ATP10B: variants seen among roughly 807,000 people sequenced by gnomAD.
ATP10B encodes phospholipid-transporting ATPase VB.
In ATP10B, 122 loss-of-function variants were observed where a neutral mutation model predicts 141.2. That is an observed-to-expected ratio of 0.86 (90% CI 0.75 to 1.00). ATP10B has a LOEUF of 1.00. Ranked by LOEUF, ATP10B falls within the 50% of genes least tolerant of loss-of-function variation. The probability of loss-of-function intolerance (pLI) is 0.00; values close to 1 mark genes in which losing one functional copy is unlikely to be tolerated. For synonymous variants in ATP10B, 685 were observed against 692.0 expected, an observed-to-expected ratio of 0.99 and a Z score of 0.16; for missense variants, 1,876 against 1,825.3, an observed-to-expected ratio of 1.03 and a Z score of -0.51.
chr5:160,567,627 A>C (rs1283237804), intron 25 of ATP10B, among the ~76,000 whole-genome samples: 1 of 152,168 alleles, frequency 6.6e-6, no homozygotes, highest in Non-Finnish European at 1.5e-5. Flanking sequence ...CATAGGAGGT[A>C]GCCATGCCAA....
intron 10 of ATP10B, among the ~76,000 whole-genome samples, chr5:160,637,475 A>G (rs1007176963): frequency 6.6e-6 from 1 of 152,192 alleles, no homozygotes; most frequent in African/African-American, 2.4e-5. Context: ...AAAAGGACAA[A>G]TCACATACAG....
chr5:160,778,759 G>A (rs533790180), intron 2 of ATP10B, among the ~76,000 whole-genome samples: 22 of 152,278 alleles, frequency 1.4e-4, no homozygotes, highest in African/African-American at 4.1e-4. Flanking sequence ...ATAGGGGTAC[G>A]TTGTCAAAAT....
At chr5:160,716,779 A>G (rs576941404) in intron 3 of ATP10B, 130 bp downstream of exon 3, 2 of 624,554 alleles carry the variant, frequency 3.2e-6, no homozygotes, top group Non-Finnish European at 4.0e-6. Flanking sequence ...TTTCTGTTCC[A>G]TCATCCTTAG....
At chr5:160,707,276 C>A (rs1220476953) in intron 3 of ATP10B, among the ~76,000 whole-genome samples, 1 of 152,180 alleles carries the variant, frequency 6.6e-6, no homozygotes, top group Non-Finnish European at 1.5e-5. Flanking sequence ...TGAAACAATA[C>A]TGAGCAACTT....
the ATP10B span, among the ~76,000 whole-genome samples, chr5:160,914,625 C>A: frequency 6.6e-6 from 1 of 152,066 alleles, no homozygotes; most frequent in South Asian, 2.1e-4. Context: ...TAAATTCAAG[C>A]TTGGTTAATT....
At chr5:160,909,676 T>C in the ATP10B span, among the ~76,000 whole-genome samples, 1 of 152,248 alleles carries the variant, frequency 6.6e-6, no homozygotes, top group Non-Finnish European at 1.5e-5. Context: ...CAGTAACTAA[T>C]GTTTACTTGA....
At chr5:160,924,810 G>C in the ATP10B span, among the ~76,000 whole-genome samples, 1 of 152,174 alleles carries the variant, frequency 6.6e-6, no homozygotes, top group East Asian at 1.9e-4. Context: ...TGTTATCACA[G>C]AGCTGAAAGA....
the ATP10B span, among the ~76,000 whole-genome samples, chr5:160,883,373 T>G: frequency 6.6e-6 from 1 of 152,176 alleles, no homozygotes; most frequent in Non-Finnish European, 1.5e-5. Context: ...ACTACAGGGC[T>G]GAGACTAAAT....
chr5:160,782,565 G>A (rs1770795308), intron 2 of ATP10B, among the ~76,000 whole-genome samples: 1 of 151,074 alleles, frequency 6.6e-6, no homozygotes. Context: ...GTCCTCTATG[G>A]TTCTTCCCTC....
At chr5:160,905,713 T>G in the ATP10B span, among the ~76,000 whole-genome samples, 2 of 135,216 alleles carry the variant, frequency 1.5e-5, no homozygotes, top group East Asian at 4.4e-4. Context: ...TAGCTAGGAT[T>G]GCTATTATAA....
At chr5:160,601,891 G>A (rs572279697) in intron 21 of ATP10B, among the ~76,000 whole-genome samples, 37 of 152,322 alleles carry the variant, frequency 2.4e-4, no homozygotes, top group Admixed American at 2.1e-3. Flanking sequence ...GGGCACTGAA[G>A]TGATATGCAA....
At chr5:160,896,239 C>CA in the ATP10B span, among the ~76,000 whole-genome samples, 2,114 of 146,882 alleles carry the variant, frequency 0.014, 38 homozygotes, top group African/African-American at 0.045. Flanking sequence ...AAAAACCCTT[C>CA]AAAAAAAAAA....
chr5:160,709,171 A>G (rs1288678599), intron 3 of ATP10B, among the ~76,000 whole-genome samples: 1 of 152,240 alleles, frequency 6.6e-6, no homozygotes, highest in Admixed American at 6.5e-5. Context: ...GGATTAAAAC[A>G]AAATACAAGA....
In ATP10B at chr5:160,564,257, A is replaced by G. The variant is rs1385601225; in HGVS notation, c.*1196T>C. ...GGGTTAGGCTATACTTGCCCACAGC[A>G]GACCTGGCTTCTTTGGACAGCCTAT... On this transcript the variant is annotated 3_prime_UTR_variant, in exon 26 of 26. Coordinates refer to ENST00000327245, the MANE Select transcript of ATP10B (RefSeq NM_025153.3). The G allele has an allele frequency of 6.6e-6, 1 of 152,252 alleles. No individual in the cohort carries two copies. The highest frequency in any genetic ancestry group is 2.4e-5 in the African/African-American group (1 of 41,468). 9.4% of individuals were successfully genotyped at this position (152,252 alleles called of 1,614,324 possible).
chr5:160,919,076 T>C, the ATP10B span, among the ~76,000 whole-genome samples: 6 of 148,922 alleles, frequency 4.0e-5, no homozygotes, highest in Admixed American at 4.0e-4. Context: ...ATACAAAAAT[T>C]AGCCGGGCAT....
chr5:160,565,388 T>A lies in ATP10B; in HGVS notation c.*65A>T. 6.7e-7 allele frequency: 1 copy of A among 1,498,108 alleles called. No individual in the cohort carries two copies. 92.8% of individuals were successfully genotyped at this position (1,498,108 alleles called of 1,614,324 possible). On this transcript the variant is annotated 3_prime_UTR_variant, in exon 26 of 26. Transcript: ENST00000327245. ...TGTTTCCTCTATGAAGAAGAAGGGGTCAAGGGTTATGTGGACCAGTGACTA... is the reference window on the plus strand; with the variant it reads ...TGTTTCCTCTATGAAGAAGAAGGGGACAAGGGTTATGTGGACCAGTGACTA...
At chr5:160,694,325 T>G (rs1364019885) in intron 3 of ATP10B, among the ~76,000 whole-genome samples, 1 of 152,232 alleles carries the variant, frequency 6.6e-6, no homozygotes, top group Non-Finnish European at 1.5e-5. Context: ...TTCCTTCCAG[T>G]TGTAAAGCCT....
At chr5:160,653,063 T>C (rs1363836409) in intron 7 of ATP10B, among the ~76,000 whole-genome samples, 1 of 118,042 alleles carries the variant, frequency 8.5e-6, no homozygotes, top group Non-Finnish European at 1.6e-5. Flanking sequence ...TATGTATATA[T>C]TTATGTATAT....
In ATP10B at chr5:160,688,743, A is replaced by G; in HGVS notation, c.-21+17T>C. 1.0e-6 allele frequency: 1 copy of G among 984,690 alleles called. No homozygotes were observed. Among genetic ancestry groups the G allele is most frequent in the Non-Finnish European group, 1.2e-6 (1 of 829,294 alleles). 61.0% of individuals were successfully genotyped at this position (984,690 alleles called of 1,614,324 possible). A position where few individuals can be genotyped will look rare whatever the true frequency, so the allele number is the denominator to read the frequency against. On this transcript the variant is annotated intron_variant, in intron 4 of 25. Coordinates refer to ENST00000327245, the MANE Select transcript of ATP10B (RefSeq NM_025153.3). ...GCTAACATTTTCTGATTCTGATGAC[A>G]TTTTCCAGAAACTCACCTGTGGCCG... is the stretch of plus-strand genomic sequence containing the variant.
Sources: gnomAD v4.1 joint callset for allele counts (sites outside exome capture counted in the v4.1 genomes callset) on GRCh38, gnomAD v4.1.1 for gene constraint, MANE v1.5 for transcripts, NCBI Gene and HGNC (gene_info 2026-07-23, HGNC 2026-07-21) for gene names.